The following TANC2 variants were observed in gnomAD, a reference collection of about 807,000 sequenced individuals.
TANC2 encodes the protein tetratricopeptide repeat, ankyrin repeat and coiled-coil containing 2, also known as protein TANC2.
A neutral mutation model predicts 210.5 loss-of-function variants in TANC2; 26 were observed. The ratio of observed to expected loss-of-function variants is 0.12; its 90% confidence interval spans 0.09 to 0.17. The LOEUF (loss-of-function observed/expected upper bound fraction) is 0.17, where lower values mean the gene tolerates loss of function less well. TANC2 is among the 10% of genes least tolerant of loss of function. The pLI, the probability that TANC2 is intolerant of heterozygous loss-of-function variation, is 1.00. For synonymous variants in TANC2, 931 were observed against 967.1 expected, an observed-to-expected ratio of 0.96 and a Z score of 0.69; for missense variants, 2,129 against 2,608.9, an observed-to-expected ratio of 0.82 and a Z score of 4.01.
chr17:63,199,618 C>CAAA (rs372702611), intron 6 of TANC2, among the ~76,000 whole-genome samples: 1 of 114,290 alleles, frequency 8.7e-6, no homozygotes, highest in Non-Finnish European at 1.9e-5. Context: ...AACTCCATCT[C>CAAA]AAAAAAAAAA....
At chr17:63,247,780 G>A (rs778568488) in intron 8 of TANC2, among the ~76,000 whole-genome samples, 1 of 152,040 alleles carries the variant, frequency 6.6e-6, no homozygotes, top group Admixed American at 6.6e-5. Flanking sequence ...TGACTGTGTT[G>A]AACAAAATAC....
At chr17:63,330,716 T>C (rs554741248) in intron 11 of TANC2, among the ~76,000 whole-genome samples, 2 of 152,338 alleles carry the variant, frequency 1.3e-5, no homozygotes, top group South Asian at 4.1e-4. Flanking sequence ...ACATAATTTA[T>C]AGCCACAACA....
chr17:63,162,422 G>A (rs918177679), intron 5 of TANC2, among the ~76,000 whole-genome samples: 3 of 152,188 alleles, frequency 2.0e-5, no homozygotes, highest in African/African-American at 7.2e-5. Flanking sequence ...CAGTAGGGAA[G>A]TAGCTGTAGG....
At chr17:63,068,745 A>G (rs1237397772) in intron 2 of TANC2, among the ~76,000 whole-genome samples, 1 of 152,116 alleles carries the variant, frequency 6.6e-6, no homozygotes, top group Non-Finnish European at 1.5e-5. Context: ...ATAAAAGTAT[A>G]AAAACATGCA....
intron 5 of TANC2, among the ~76,000 whole-genome samples, chr17:63,160,667 C>T (rs2039996094): frequency 6.6e-6 from 1 of 152,014 alleles, no homozygotes; most frequent in African/African-American, 2.4e-5. Context: ...AGAATGAATT[C>T]CTTGAAATGG....
At chr17:62,971,526 C>T (rs2031693505) in intron 1 of TANC2, among the ~76,000 whole-genome samples, 1 of 152,198 alleles carries the variant, frequency 6.6e-6, no homozygotes, top group South Asian at 2.1e-4. Flanking sequence ...GACAGTGTTT[C>T]ACTCTGTTGT....
intron 7 of TANC2, among the ~76,000 whole-genome samples, chr17:63,206,834 T>C (rs1186068826): frequency 6.6e-6 from 1 of 152,212 alleles, no homozygotes; most frequent in Non-Finnish European, 1.5e-5. Context: ...ATATACTTAG[T>C]GCCCCTGAAT....
At chr17:63,265,059 A>G (rs9891262) in intron 8 of TANC2, among the ~76,000 whole-genome samples, 4,865 of 152,266 alleles carry the variant, frequency 0.032, 88 homozygotes, top group African/African-American at 0.045. Context: ...CTCTGTTAGA[A>G]TAGTCGCAAC....
chr17:63,278,283 G>A (rs2043950227), intron 9 of TANC2, among the ~76,000 whole-genome samples: 2 of 152,070 alleles, frequency 1.3e-5, no homozygotes, highest in Admixed American at 1.3e-4. Context: ...CAACTCAGTA[G>A]CAACAAAACA....
At chr17:63,345,358 G>A (rs1047108345) in intron 12 of TANC2, among the ~76,000 whole-genome samples, 25 of 152,196 alleles carry the variant, frequency 1.6e-4, no homozygotes, top group African/African-American at 4.3e-4. Context: ...AGTGGCTCAC[G>A]CCTGTAATCC....
chr17:63,042,168 A>C (rs1406431571), intron 2 of TANC2, among the ~76,000 whole-genome samples: 1 of 152,142 alleles, frequency 6.6e-6, no homozygotes, highest in Non-Finnish European at 1.5e-5. Context: ...TTCTACTAAA[A>C]TTTGAAAATT....
At chr17:63,025,408 A>G (rs890556166) in intron 2 of TANC2, among the ~76,000 whole-genome samples, 1 of 152,150 alleles carries the variant, frequency 6.6e-6, no homozygotes, top group East Asian at 1.9e-4. Flanking sequence ...GAGATGGGTA[A>G]GTAGGGAGAG....
intron 7 of TANC2, among the ~76,000 whole-genome samples, chr17:63,237,341 T>C (rs889837107): frequency 6.6e-6 from 1 of 152,132 alleles, no homozygotes; most frequent in African/African-American, 2.4e-5. Flanking sequence ...TGTTGAGTTG[T>C]TTGAGTTCCT....
intron 5 of TANC2, among the ~76,000 whole-genome samples, chr17:63,156,624 T>A (rs1437115923): frequency 2.0e-5 from 3 of 152,168 alleles, no homozygotes; most frequent in Non-Finnish European, 4.4e-5. Context: ...TACTGCCTTA[T>A]TACTGGTTAT....
chr17:63,068,626 G>C (rs189749679), intron 2 of TANC2, among the ~76,000 whole-genome samples: 10 of 152,046 alleles, frequency 6.6e-5, no homozygotes, highest in African/African-American at 2.4e-4. Context: ...AAATGAATTC[G>C]ACAGATAAAT....
At chr17:62,979,147 A>G (rs536816801) in intron 1 of TANC2, among the ~76,000 whole-genome samples, 1 of 151,980 alleles carries the variant, frequency 6.6e-6, no homozygotes, top group African/African-American at 2.4e-5. Flanking sequence ...TTTCTTTATA[A>G]GTGTCTTCTA....
intron 4 of TANC2, among the ~76,000 whole-genome samples, chr17:63,108,585 G>A (rs2037913404): frequency 1.3e-5 from 2 of 151,748 alleles, no homozygotes; most frequent in South Asian, 4.1e-4. Context: ...GCCGAGGCGG[G>A]CAGATCAGAG....
At chr17:63,220,734 ATATG>A (rs1292539205) in intron 7 of TANC2, among the ~76,000 whole-genome samples, 1 of 145,006 alleles carries the variant, frequency 6.9e-6, no homozygotes, top group Admixed American at 6.9e-5. Context: ...ATATATATAT[ATATG>A]TATATATATA....
rs1045111109 is a variant in TANC2, at chr17:62,966,388, C to T, written c.-385C>T. On this transcript the variant is annotated 5_prime_UTR_variant, in exon 1 of 28. Transcript: ENST00000689528. The surrounding 1 kb of genome is among the most constrained non-coding windows in gnomAD (Gnocchi z 5.1). ...GGCCTAGGGCCGCTGGCGCTGCCCT[C>T]CCGCCGCCACCGCCCTCCGCGCCTC... is the stretch of plus-strand genomic sequence containing the variant. Among the ~76,000 whole-genome samples, 4 of 147,456 alleles carry T rather than the reference C, an allele frequency of 2.7e-5. No homozygotes were observed. The highest frequency in any genetic ancestry group is 2.0e-4 in the Admixed American group (3 of 14,870).
Sources: allele counts gnomAD v4.1 joint callset (sites outside exome capture counted in the v4.1 genomes callset), GRCh38; gene constraint gnomAD v4.1.1; non-coding constraint Gnocchi (gnomAD v3.1); transcripts MANE v1.5; gene names NCBI Gene and HGNC (gene_info 2026-07-23, HGNC 2026-07-21).